The following CEP85L variants were observed in gnomAD, a reference collection of about 807,000 sequenced individuals.
CEP85L encodes the protein centrosomal protein 85L.
Under a neutral mutation model 100.3 loss-of-function variants are expected in CEP85L, and 60 were observed. The observed-to-expected ratio is 0.60, with a 90% CI of 0.49 to 0.74. The LOEUF (loss-of-function observed/expected upper bound fraction) is 0.74. CEP85L is among the 30% of genes least tolerant of loss of function. The probability of loss-of-function intolerance (pLI) is 0.00; values close to 1 mark genes in which losing one functional copy is unlikely to be tolerated. For synonymous variants in CEP85L, 319 were observed against 322.7 expected, an observed-to-expected ratio of 0.99 and a Z score of 0.12; for missense variants, 973 against 936.2, an observed-to-expected ratio of 1.04 and a Z score of -0.51.
At chr6:118,694,010 A>G (rs558509860) in intron 1 of CEP85L, among the ~76,000 whole-genome samples, 1 of 152,312 alleles carries the variant, frequency 6.6e-6, no homozygotes, top group South Asian at 2.1e-4. Context: ...CTCAAAAGGA[A>G]GTGAGGAATT....
intron 3 of CEP85L, among the ~76,000 whole-genome samples, chr6:118,533,953 G>T (rs1009484268): frequency 6.6e-6 from 1 of 152,108 alleles, no homozygotes; most frequent in Non-Finnish European, 1.5e-5. Context: ...AAATTAGCCA[G>T]GCGTGGTGGC....
intron 2 of CEP85L, among the ~76,000 whole-genome samples, chr6:118,574,782 G>T (rs370650423): frequency 6.6e-6 from 1 of 152,346 alleles, no homozygotes; most frequent in African/African-American, 2.4e-5. Flanking sequence ...CCTGGAGGTT[G>T]AAAGTGTGTG....
rs1350186612 is a variant in CEP85L, at chr6:118,618,454, G to A, written c.232+13999C>T. Reference sequence around the variant, plus strand: ...CCCACATCAGGACAATTTGAAGACAGATCTGTAATTTTCATGTGGATGGTA... The same window carrying A: ...CCCACATCAGGACAATTTGAAGACAAATCTGTAATTTTCATGTGGATGGTA... On this transcript the variant is annotated intron_variant, in intron 2 of 12. Coordinates refer to ENST00000368491, the MANE Select transcript of CEP85L (RefSeq NM_001042475.3). Among the ~76,000 whole-genome samples, 3 of 152,164 alleles carry A rather than the reference G, an allele frequency of 2.0e-5. No individual in the cohort carries two copies. In the East Asian group the frequency reaches 5.8e-4, roughly 29 times the overall value.
At chr6:118,611,132 C>A (rs968817278) in intron 2 of CEP85L, among the ~76,000 whole-genome samples, 2 of 152,088 alleles carry the variant, frequency 1.3e-5, no homozygotes, top group African/African-American at 4.8e-5. Context: ...ATAGGCTTTC[C>A]TTCTTCTCCT....
chr6:118,507,232 G>C (rs149331287), intron 5 of CEP85L, among the ~76,000 whole-genome samples: 10 of 152,214 alleles, frequency 6.6e-5, no homozygotes, highest in Middle Eastern at 6.8e-3. Context: ...TATGAAATTA[G>C]GCAATCATTC....
At chr6:118,640,857 A>G (rs751790753) in intron 1 of CEP85L, among the ~76,000 whole-genome samples, 2 of 152,194 alleles carry the variant, frequency 1.3e-5, no homozygotes, top group Non-Finnish European at 2.9e-5. Context: ...AGTGCCAGAC[A>G]TATAATTAGG....
At chr6:118,562,327 A>G (rs544576515) in intron 3 of CEP85L, among the ~76,000 whole-genome samples, 1 of 152,306 alleles carries the variant, frequency 6.6e-6, no homozygotes, top group East Asian at 1.9e-4. Flanking sequence ...ATGTTAGACA[A>G]AAAACAAGTC....
chr6:118,467,953 C>T (rs1772652908), intron 12 of CEP85L, among the ~76,000 whole-genome samples: 1 of 152,162 alleles, frequency 6.6e-6, no homozygotes, highest in Non-Finnish European at 1.5e-5. Context: ...TATCAGAATG[C>T]TCTAATAATT....
upstream of CEP85L, among the ~76,000 whole-genome samples, chr6:118,656,008 A>G (rs1775775900): frequency 6.6e-6 from 1 of 152,238 alleles, no homozygotes; most frequent in African/African-American, 2.4e-5. Flanking sequence ...GCTGTGAAAT[A>G]AAAATTAGAA....
chr6:118,483,761 T>C lies in CEP85L; in HGVS notation c.1535A>G (p.Glu512Gly). Residue 512 changes from glutamate (E) to glycine (G), a missense_variant, in exon 7 of 13, where the codon GAA becomes GGA. Physicochemically the swap from Glu to Gly is moderately conservative, Grantham distance 98. Coordinates refer to ENST00000368491, the MANE Select transcript of CEP85L (RefSeq NM_001042475.3). ...AGTTGGAAGATCAGCCAGATACTTT[T>C]CCAAGGTCTCAATTCTTCTCTGCTT... The part of the protein sequence containing the change: ...KEKQRRIETL[E>G]KYLADLPTLD... The C allele has an allele frequency of 6.2e-7, 1 of 1,613,986 alleles. No homozygotes were observed. The highest frequency in any genetic ancestry group is 8.5e-7 in the Non-Finnish European group (1 of 1,179,914).
chr6:118,575,646 AG>A (rs1196733433), intron 2 of CEP85L, among the ~76,000 whole-genome samples: 1 of 152,344 alleles, frequency 6.6e-6, no homozygotes, highest in Non-Finnish European at 1.5e-5. Context: ...ACCAGATGGA[AG>A]GGAAATGTTG....
intron 1 of CEP85L, among the ~76,000 whole-genome samples, chr6:118,671,747 G>A (rs1005687505): frequency 2.0e-5 from 3 of 152,110 alleles, no homozygotes; most frequent in Admixed American, 6.6e-5. Context: ...ACACCAGCCT[G>A]GCCAACATGG....
upstream of CEP85L, among the ~76,000 whole-genome samples, chr6:118,653,928 AT>A (rs766468608): frequency 7.2e-5 from 11 of 152,190 alleles, no homozygotes; most frequent in Non-Finnish European, 1.6e-4. Context: ...AAAATGTCTC[AT>A]TTCAAAAAAA....
chr6:118,596,950 G>A (rs1343132998), intron 2 of CEP85L, among the ~76,000 whole-genome samples: 1 of 152,140 alleles, frequency 6.6e-6, no homozygotes, highest in East Asian at 1.9e-4. Flanking sequence ...CATGTCGTGG[G>A]AGGGACCCAG....
chr6:118,654,380 A>G (rs898882504), upstream of CEP85L, among the ~76,000 whole-genome samples: 2 of 152,240 alleles, frequency 1.3e-5, no homozygotes, highest in Non-Finnish European at 2.9e-5. Context: ...AAATAGCAAA[A>G]GAACCCAACA....
At chr6:118,580,748 G>T (rs984887062) in intron 2 of CEP85L, among the ~76,000 whole-genome samples, 3 of 152,240 alleles carry the variant, frequency 2.0e-5, no homozygotes, top group African/African-American at 7.2e-5. Context: ...TTCAGGTGCT[G>T]GCAGAGAATC....
At chr6:118,647,174 TA>T in intron 1 of CEP85L, 2 of 489,486 alleles carry the variant, frequency 4.1e-6, no homozygotes, top group Non-Finnish European at 5.3e-6. Flanking sequence ...TACCAGTTAT[TA>T]CCACTATCAT....
At chr6:118,546,716 A>C (rs547021817) in intron 3 of CEP85L, among the ~76,000 whole-genome samples, 1 of 152,194 alleles carries the variant, frequency 6.6e-6, no homozygotes, top group East Asian at 1.9e-4. Context: ...AATTACTGTA[A>C]ACCTCGTTAG....
chr6:118,593,710 G>C (rs925656628), intron 2 of CEP85L, among the ~76,000 whole-genome samples: 6 of 150,746 alleles, frequency 4.0e-5, no homozygotes, highest in Admixed American at 3.3e-4. Context: ...GTATGGTCTT[G>C]ATTTCCCAAA....
Sources: allele counts gnomAD v4.1 joint callset (sites outside exome capture counted in the v4.1 genomes callset), GRCh38; gene constraint gnomAD v4.1.1; transcripts MANE v1.5; gene names NCBI Gene and HGNC (gene_info 2026-07-23, HGNC 2026-07-21).